Variants in GRK1 observed in about 807,000 individuals in gnomAD.
GRK1 encodes rhodopsin kinase GRK1.
GRK1 carries 28 observed loss-of-function variants against 41.7 expected under a neutral mutation model. The observed-to-expected ratio is 0.67, with a 90% confidence interval of 0.50 to 0.92. The LOEUF (loss-of-function observed/expected upper bound fraction) is 0.92, where lower values mean the gene tolerates loss of function less well. Ranked by LOEUF, GRK1 falls within the 40% of genes least tolerant of loss-of-function variation. The pLI is 0.00. For synonymous variants in GRK1, 327 were observed against 286.7 expected (o/e 1.14, Z -1.42); for missense variants, 703 against 671.2 (o/e 1.05, Z -0.52).
chr13:113,669,746 G>A lies in GRK1; in HGVS notation c.759G>A (p.Leu253=), dbSNP rs774902604. 5 of 1,613,966 alleles carry A rather than the reference G, an allele frequency of 3.1e-6. No homozygotes were observed. Among genetic ancestry groups the A allele is most frequent in the Non-Finnish European group, 4.2e-6 (5 of 1,179,878 alleles). ...MKVHSRFIVS[L]AYAFETKADL... Reference sequence around the variant, plus strand: ...TACACAGCAGGTTCATCGTGTCTCTGGCCTATGCGTTTGAAACCAAAGCCG... The same window carrying A: ...TACACAGCAGGTTCATCGTGTCTCTAGCCTATGCGTTTGAAACCAAAGCCG... Residue 253 remains leucine (L), a synonymous_variant, in exon 2 of 7, where the codon CTG becomes CTA. Transcript: ENST00000335678.
rs1285587475 is a variant in GRK1 at position 113,736,338 on chromosome 13, C to T, written c.*975C>T. ...TAGGGACAGAGCTCCTTGCTGCAAC[C>T]CCTCTCTGTGTTCCCAGTAGCAGCA... On this transcript the variant is annotated 3_prime_UTR_variant, in exon 7 of 7. Coordinates refer to ENST00000335678, the MANE Select transcript of GRK1 (RefSeq NM_002929.3). 2.0e-5 allele frequency: 3 copies of T among 152,242 alleles called. No homozygotes were observed. Among genetic ancestry groups the T allele is most frequent in the Non-Finnish European group, 4.4e-5 (3 of 68,082 alleles). The allele number at this position is 152,242 out of a possible 1,614,324, so 9.4% of individuals were successfully genotyped here. A position where few individuals can be genotyped will look rare whatever the true frequency, so the allele number is the denominator to read the frequency against.
At chr13:113,652,639 CAT>C in the GRK1 span, 87 of 616,636 alleles carry the variant, frequency 1.4e-4, no homozygotes, top group East Asian at 2.5e-3. Flanking sequence ...AATGTTTCCA[CAT>C]GTTTTAGAGG....
rs767108609 is a variant in GRK1, at chr13:113,668,027, A to G, written c.641A>G (p.Lys214Arg). Reference protein sequence around the residue: ...VSACQMKATGKLYACKKLNKK... With the variant: ...VSACQMKATGRLYACKKLNKK... ...GCCTGCCAGATGAAGGCGACCGGCA[A>G]GCTGTATGCCTGCAAGAAGCTGAAC... The change falls in exon 1 of 7, where the codon AAG (lysine) becomes AGG (arginine). Residue 214 changes from lysine (K) to arginine (R), a missense_variant. Coordinates refer to ENST00000335678, the MANE Select transcript of GRK1 (RefSeq NM_002929.3). The G allele has an allele frequency of 1.2e-6, 2 of 1,611,694 alleles. No homozygotes were observed. Among genetic ancestry groups the G allele is most frequent in the East Asian group, 4.5e-5 (2 of 44,842 alleles).
At chr13:113,653,886 G>A in the GRK1 span, among the ~76,000 whole-genome samples, 2 of 152,250 alleles carry the variant, frequency 1.3e-5, no homozygotes, top group African/African-American at 2.4e-5. Flanking sequence ...ACGCAGAGCC[G>A]TCGACTTTCC....
chr13:113,672,235 GTA>G (rs2049862331), intron 3 of GRK1, among the ~76,000 whole-genome samples: 1 of 150,160 alleles, frequency 6.7e-6, no homozygotes, highest in Non-Finnish European at 1.5e-5. Flanking sequence ...CATATGGTGT[GTA>G]TGTGTGTGCA....
intron 4 of GRK1, among the ~76,000 whole-genome samples, chr13:113,723,375 C>T (rs1478480959): frequency 6.6e-6 from 1 of 152,008 alleles, no homozygotes; most frequent in Non-Finnish European, 1.5e-5. Context: ...GTTTATTTTG[C>T]TGAGGTTGAG....
the GRK1 span, chr13:113,654,739 C>A: frequency 6.5e-7 from 1 of 1,533,306 alleles, no homozygotes; most frequent in South Asian, 1.3e-5. Context: ...CACGGGTCCC[C>A]CGGGCGTCTC....
chr13:113,653,261 C>T, the GRK1 span: 183 of 1,525,122 alleles, frequency 1.2e-4, no homozygotes, highest in Middle Eastern at 8.1e-4. Context: ...CTCACCCACC[C>T]GCCGCTTCAC....
At chr13:113,728,017 G>T (rs577801778) in intron 4 of GRK1, among the ~76,000 whole-genome samples, 2 of 48,020 alleles carry the variant, frequency 4.2e-5, no homozygotes, top group Non-Finnish European at 7.7e-5. Flanking sequence ...TGGCGATGAG[G>T]AGTACCCATG....
At chr13:113,651,704 G>C in the GRK1 span, 1 of 1,613,792 alleles carries the variant, frequency 6.2e-7, no homozygotes, top group Non-Finnish European at 8.5e-7. Flanking sequence ...GGGCCGAGCC[G>C]TTGCTGGGGA....
upstream of GRK1, among the ~76,000 whole-genome samples, chr13:113,666,583 G>A (rs968274046): frequency 2.0e-5 from 3 of 152,100 alleles, no homozygotes; most frequent in African/African-American, 7.3e-5. Flanking sequence ...GCGTCCCTCT[G>A]AGTGGGGCCT....
chr13:113,658,289 C>CAA, the GRK1 span: 115 of 592,970 alleles, frequency 1.9e-4, 2 homozygotes, highest in South Asian at 1.2e-3. Flanking sequence ...AGGCCAGGGC[C>CAA]GTTTATCAGC....
chr13:113,670,063 G>C (rs2049846730), intron 2 of GRK1, among the ~76,000 whole-genome samples: 1 of 152,242 alleles, frequency 6.6e-6, no homozygotes, highest in African/African-American at 2.4e-5. Flanking sequence ...TGTGGTCTTG[G>C]TGTGGGTGTG....
At chr13:113,672,036 C>T (rs1425158835) in intron 3 of GRK1, among the ~76,000 whole-genome samples, 2 of 151,612 alleles carry the variant, frequency 1.3e-5, no homozygotes, top group Non-Finnish European at 2.9e-5. Context: ...GGGGGCGGGG[C>T]GAGAGCCGAG....
chr13:113,732,570 C>T (rs1022519549), intron 5 of GRK1, among the ~76,000 whole-genome samples: 5 of 152,250 alleles, frequency 3.3e-5, no homozygotes, highest in Non-Finnish European at 7.3e-5. Flanking sequence ...ACGGAGGCTG[C>T]TTCTCAGCTG....
At chr13:113,651,685 C>A in the GRK1 span, 1 of 1,613,468 alleles carries the variant, frequency 6.2e-7, no homozygotes, top group East Asian at 2.2e-5. Flanking sequence ...AAGGCGCAGT[C>A]CACTCTGGGG....
intron 1 of GRK1, among the ~76,000 whole-genome samples, chr13:113,668,810 C>T (rs1011752450): frequency 3.3e-5 from 5 of 152,244 alleles, no homozygotes; most frequent in African/African-American, 1.2e-4. Flanking sequence ...TCTCCCACCA[C>T]GCAGCTGTGT....
At chr13:113,652,370 C>G in the GRK1 span, among the ~76,000 whole-genome samples, 1 of 152,254 alleles carries the variant, frequency 6.6e-6, no homozygotes, top group African/African-American at 2.4e-5. Context: ...CCCGGAGGCC[C>G]AGCACAGAGC....
At chr13:113,670,074 G>C (rs2049846806) in intron 2 of GRK1, among the ~76,000 whole-genome samples, 1 of 152,208 alleles carries the variant, frequency 6.6e-6, no homozygotes, top group Admixed American at 6.5e-5. Flanking sequence ...TGTGGGTGTG[G>C]GAGGCACGTG....
Sources: allele counts gnomAD v4.1 joint callset (sites outside exome capture counted in the v4.1 genomes callset), GRCh38; gene constraint gnomAD v4.1.1; transcripts MANE v1.5; gene names NCBI Gene and HGNC (gene_info 2026-07-23, HGNC 2026-07-21).